The following BDP1 variants were observed in gnomAD, a reference collection of about 807,000 sequenced individuals.
BDP1 encodes the protein BDP1 general transcription factor IIIB subunit.
A neutral mutation model predicts 266.6 loss-of-function variants in BDP1; 169 were observed. The observed-to-expected ratio is 0.63, with a 90% CI of 0.56 to 0.72. The LOEUF (loss-of-function observed/expected upper bound fraction) is 0.72. BDP1 is among the 30% of genes least tolerant of loss of function. The pLI is 0.00. For missense variants in BDP1, 3,015 were observed against 3,053.8 expected, an observed-to-expected ratio of 0.99 and a Z score of 0.30; for synonymous variants, 1,090 against 1,022.4, an observed-to-expected ratio of 1.07 and a Z score of -1.26.
chr5:71,471,287 C>T (rs113871571), intron 7 of BDP1, among the ~76,000 whole-genome samples: 1,999 of 151,790 alleles, frequency 0.013, 41 homozygotes, highest in African/African-American at 0.044. Flanking sequence ...GGATTACAGG[C>T]GCACACCACC....
chr5:71,487,409 T>C (rs1402009016), intron 9 of BDP1, among the ~76,000 whole-genome samples: 1 of 151,866 alleles, frequency 6.6e-6, no homozygotes, highest in East Asian at 1.9e-4. Flanking sequence ...ACCCGGCTAA[T>C]TTTTTTTGTA....
chr5:71,463,992 TAC>T, intron 3 of BDP1, 64 bp from the exon 4 acceptor site: 1 of 941,894 alleles, frequency 1.1e-6, no homozygotes, highest in Non-Finnish European at 1.6e-6. Flanking sequence ...TCTTCTTGCC[TAC>T]AGATAGAATT....
In BDP1 at chr5:71,559,878, G is replaced by A. The variant is rs557664789; in HGVS notation, c.7241-104G>A. The A allele has an allele frequency of 4.0e-4, 456 of 1,137,106 alleles. 1 individual carries two copies. Among genetic ancestry groups the A allele is most frequent in the Non-Finnish European group, 2.2e-4 (177 of 799,982 alleles). 70.4% of individuals were successfully genotyped at this position (1,137,106 alleles called of 1,614,324 possible). ...GATAATTTAGCTTACTCTTATTAGG[G>A]TAGGTTTATTATAGAATACCATGGG... On this transcript the variant is annotated intron_variant, in intron 36 of 38. Coordinates refer to ENST00000358731, the MANE Select transcript of BDP1 (RefSeq NM_018429.3).
chr5:71,572,609 A>G (rs1004242850), downstream of BDP1, among the ~76,000 whole-genome samples: 41 of 152,204 alleles, frequency 2.7e-4, no homozygotes, highest in African/African-American at 9.2e-4. Flanking sequence ...GAAGGAAAAC[A>G]TTATGTGCAG....
At chr5:71,519,193 G>T (rs1765375419) in intron 22 of BDP1, among the ~76,000 whole-genome samples, 2 of 151,458 alleles carry the variant, frequency 1.3e-5, no homozygotes, top group Admixed American at 6.6e-5. Flanking sequence ...ATTTTTTTTT[G>T]ATATATAATA....
At chr5:71,553,631 CTTA>C (rs1743009832) in intron 35 of BDP1, among the ~76,000 whole-genome samples, 1 of 152,202 alleles carries the variant, frequency 6.6e-6, no homozygotes, top group Middle Eastern at 3.4e-3. Context: ...GCTGTAACAC[CTTA>C]GGCAAGATAC....
chr5:71,502,833 A>G, intron 15 of BDP1, 42 bp downstream of exon 15: 1 of 1,493,226 alleles, frequency 6.7e-7, no homozygotes, highest in South Asian at 1.2e-5. Flanking sequence ...GTAAGCAAGT[A>G]CATGAGCCTT....
chr5:71,499,303 T>C (rs1242577206), intron 13 of BDP1, among the ~76,000 whole-genome samples: 2 of 152,180 alleles, frequency 1.3e-5, no homozygotes, highest in African/African-American at 4.8e-5. Flanking sequence ...TTTCACCATA[T>C]TGAGCCACCG....
At chr5:71,531,800 C>T (rs1001724833) in intron 25 of BDP1, among the ~76,000 whole-genome samples, 11 of 152,148 alleles carry the variant, frequency 7.2e-5, no homozygotes, top group Admixed American at 2.0e-4. Flanking sequence ...TGAGCCACTG[C>T]GCCTGGCCCG....
intron 7 of BDP1, among the ~76,000 whole-genome samples, chr5:71,481,246 CT>C (rs375921654): frequency 5.7e-4 from 83 of 145,794 alleles, no homozygotes; most frequent in Non-Finnish European, 4.4e-4. Flanking sequence ...TATGTTTTTT[CT>C]TTTTTTTTTT....
chr5:71,522,653 T>A, intron 23 of BDP1, 103 bp from the exon 24 acceptor site: 1 of 1,227,366 alleles, frequency 8.1e-7, no homozygotes, highest in South Asian at 1.5e-5. Context: ...ACCAACTGCT[T>A]GTAGATATGT....
At chr5:71,461,156 A>AT (rs563552627) in intron 2 of BDP1, among the ~76,000 whole-genome samples, 97 of 151,730 alleles carry the variant, frequency 6.4e-4, no homozygotes, top group Non-Finnish European at 1.0e-3. Context: ...ATTTTTTTGT[A>AT]TTTTTTTGTA....
At chr5:71,468,529 G>A (rs943775806) in intron 6 of BDP1, among the ~76,000 whole-genome samples, 7 of 148,060 alleles carry the variant, frequency 4.7e-5, no homozygotes, top group African/African-American at 1.0e-4. Flanking sequence ...CTTTATAGTC[G>A]TTTTGGCTGG....
rs879241316 is a variant in BDP1, at chr5:71,510,232, A to G, written c.3140A>G (p.Gln1047Arg). The G allele has an allele frequency of 6.8e-6, 11 of 1,613,698 alleles. No individual in the cohort carries two copies. Among genetic ancestry groups the G allele is most frequent in the Non-Finnish European group, 9.3e-6 (11 of 1,179,958 alleles). Residue 1047 changes from glutamine to arginine, a missense_variant, in exon 17 of 39, where the codon CAG (glutamine) becomes CGG (arginine). By Grantham distance (43) the Gln-to-Arg change is conservative. Transcript: ENST00000358731. The part of the protein sequence containing the change: ...LEETEREVSP[Q>R]ENGLEEVKPL... ...GAAACTGAAAGAGAAGTATCCCCAC[A>G]GGAAAATGGACTAGAGGAGGTCAAG...
chr5:71,465,987 AGTTGGAAATAGCTAGAAG>A, intron 4 of BDP1, 91 bp from the exon 5 acceptor site: 2 of 1,157,094 alleles, frequency 1.7e-6, no homozygotes, highest in Middle Eastern at 2.1e-4. Context: ...TTATAGGGAA[AGTTGGAAATAGCTAGAAG>A]GTTGAGTTTG....
intron 7 of BDP1, among the ~76,000 whole-genome samples, chr5:71,473,990 G>T (rs12109984): frequency 2.0e-4 from 30 of 151,632 alleles, no homozygotes; most frequent in African/African-American, 4.6e-4. Context: ...TATACATTTC[G>T]TTTTTTTTGA....
At chr5:71,560,631 A>G (rs1290425666) in intron 37 of BDP1, among the ~76,000 whole-genome samples, 2 of 152,236 alleles carry the variant, frequency 1.3e-5, no homozygotes, top group Non-Finnish European at 1.5e-5. Flanking sequence ...TGACAAACCA[A>G]AGAGGTAAAC....
intron 24 of BDP1, 82 bp downstream of exon 24, chr5:71,523,031 A>T: frequency 8.0e-7 from 1 of 1,257,694 alleles, no homozygotes; most frequent in South Asian, 1.7e-5. Context: ...GTAGAACAAA[A>T]TTTTTGGGTG....
intron 7 of BDP1, among the ~76,000 whole-genome samples, chr5:71,471,634 G>A (rs545291547): frequency 6.6e-6 from 1 of 152,190 alleles, no homozygotes; most frequent in South Asian, 2.1e-4. Flanking sequence ...AAGAGGATGA[G>A]CTTTCTCTGT....
Sources: allele counts gnomAD v4.1 joint callset (sites outside exome capture counted in the v4.1 genomes callset), GRCh38; gene constraint gnomAD v4.1.1; transcripts MANE v1.5; gene names NCBI Gene and HGNC (gene_info 2026-07-23, HGNC 2026-07-21).